NTRK3: variants seen among roughly 807,000 people sequenced by gnomAD.
NTRK3 encodes the protein neurotrophic receptor tyrosine kinase 3.
Under a neutral mutation model 91.7 loss-of-function variants are expected in NTRK3, and 24 were observed. The observed-to-expected ratio is 0.26, with a 90% CI of 0.19 to 0.37. NTRK3 has a LOEUF of 0.37. NTRK3 is among the 10% of genes least tolerant of loss of function. The pLI is 1.00. For synonymous variants in NTRK3, 483 were observed against 404.0 expected, an observed-to-expected ratio of 1.20 and a Z score of -2.34; for missense variants, 880 against 1,068.9, an observed-to-expected ratio of 0.82 and a Z score of 2.46.
intron 13 of NTRK3, among the ~76,000 whole-genome samples, chr15:88,060,684 T>C (rs1350048992): frequency 6.6e-6 from 1 of 152,122 alleles, no homozygotes; most frequent in Non-Finnish European, 1.5e-5. Flanking sequence ...AATTGTCCCT[T>C]ACATCACATG....
At chr15:88,158,012 C>T (rs899197308) in intron 5 of NTRK3, among the ~76,000 whole-genome samples, 4 of 152,180 alleles carry the variant, frequency 2.6e-5, no homozygotes, top group African/African-American at 7.2e-5. Flanking sequence ...TGGCACCTCA[C>T]GGGCCCGGGT....
intron 10 of NTRK3, among the ~76,000 whole-genome samples, chr15:88,131,490 C>A (rs2041341238): frequency 6.6e-6 from 1 of 152,100 alleles, no homozygotes; most frequent in South Asian, 2.1e-4. Context: ...CTGGGCATAC[C>A]CTTCGTGCCA....
chr15:88,077,080 C>G (rs2047614334), intron 13 of NTRK3, among the ~76,000 whole-genome samples: 1 of 152,094 alleles, frequency 6.6e-6, no homozygotes, highest in Non-Finnish European at 1.5e-5. Flanking sequence ...GGTGACAGAG[C>G]TAGACTCCAT....
In NTRK3 at chr15:88,231,723, A is replaced by C. The variant is rs576561977; in HGVS notation, c.248+24183T>G. ...GTGAACACACTTGTGTCCACTCATGAGCGGTTTAAAGAGTTTTCAGAGATC... is the reference window on the plus strand; with the variant it reads ...GTGAACACACTTGTGTCCACTCATGCGCGGTTTAAAGAGTTTTCAGAGATC... On this transcript the variant is annotated intron_variant, in intron 3 of 18. Coordinates refer to ENST00000394480, the Ensembl canonical transcript of NTRK3. 9.8e-4 allele frequency among the ~76,000 whole-genome samples: 149 copies of C among 152,282 alleles called. 1 individual carries two copies. The highest frequency in any genetic ancestry group is 3.4e-3 in the African/African-American group (140 of 41,556).
intron 6 of NTRK3, among the ~76,000 whole-genome samples, chr15:88,138,452 C>T (rs2042085049): frequency 6.6e-6 from 1 of 152,128 alleles, no homozygotes; most frequent in South Asian, 2.1e-4. Flanking sequence ...CGAGATGCTC[C>T]TCTTCTTAAA....
At chr15:88,111,137 G>A (rs147687625) in intron 13 of NTRK3, among the ~76,000 whole-genome samples, 156 of 152,286 alleles carry the variant, frequency 1.0e-3, no homozygotes, top group African/African-American at 3.2e-3. Context: ...GGTTCACCCC[G>A]GGCATGGTTT....
intron 17 of NTRK3, among the ~76,000 whole-genome samples, chr15:87,892,617 A>T (rs1402100132): frequency 6.6e-6 from 1 of 152,222 alleles, no homozygotes; most frequent in Non-Finnish European, 1.5e-5. Context: ...ATCACTAATA[A>T]TTATACCTTA....
intron 3 of NTRK3, among the ~76,000 whole-genome samples, chr15:88,225,336 G>A (rs1333973350): frequency 6.6e-6 from 1 of 152,124 alleles, no homozygotes; most frequent in Non-Finnish European, 1.5e-5. Flanking sequence ...GTGGAGGTGA[G>A]CAGGGGCTAT....
At chr15:87,926,262 G>A (rs1460376805) in intron 17 of NTRK3, among the ~76,000 whole-genome samples, 1 of 152,156 alleles carries the variant, frequency 6.6e-6, no homozygotes, top group Non-Finnish European at 1.5e-5. Flanking sequence ...CAGAAAAGTA[G>A]GGAATGAGGA....
chr15:88,114,005 A>ACC (rs561132913), intron 13 of NTRK3, among the ~76,000 whole-genome samples: 8 of 151,136 alleles, frequency 5.3e-5, no homozygotes, highest in Admixed American at 1.3e-4. Flanking sequence ...TTTAATCAGT[A>ACC]CCCCCCCCAC....
At chr15:88,183,581 G>A (rs190163438) in intron 4 of NTRK3, 92 bp from the exon 5 acceptor site, 13 of 1,180,146 alleles carry the variant, frequency 1.1e-5, no homozygotes, top group Admixed American at 8.4e-5. Flanking sequence ...GGCTAAGGCT[G>A]GCCCTGCAGC....
rs745456796 is a variant in NTRK3, at chr15:88,139,492, G to C, written c.465-1931C>G. Among the ~76,000 whole-genome samples the C allele has an allele frequency of 3.9e-5, 6 of 152,150 alleles. No homozygotes were observed. In the South Asian group the frequency reaches 6.2e-4, roughly 16 times the overall value. ...GCTTTCAGGAAAACGTGAGGCTCCT[G>C]GGGAAAAGAATCAGTGCTTTCTAGT... On this transcript the variant is annotated intron_variant, in intron 6 of 18. Transcript: ENST00000394480.
At chr15:88,062,087 T>C (rs969869859) in intron 13 of NTRK3, among the ~76,000 whole-genome samples, 2 of 152,236 alleles carry the variant, frequency 1.3e-5, no homozygotes, top group Non-Finnish European at 2.9e-5. Context: ...TTAAGTTTTA[T>C]ACATAATCTA....
intron 13 of NTRK3, among the ~76,000 whole-genome samples, chr15:88,107,547 T>C (rs981490164): frequency 2.0e-5 from 3 of 152,032 alleles, no homozygotes; most frequent in African/African-American, 7.2e-5. Context: ...GAGGTCATGG[T>C]AGCACCCCCA....
At chr15:88,135,562 T>G (rs190522097) in intron 9 of NTRK3, among the ~76,000 whole-genome samples, 165 bp from the exon 10 acceptor site, 34 of 152,290 alleles carry the variant, frequency 2.2e-4, no homozygotes, top group Non-Finnish European at 3.8e-4. Context: ...AAGAGATGTC[T>G]GTCTTTATGC....
chr15:88,123,315 C>T (rs1432275993), intron 13 of NTRK3, among the ~76,000 whole-genome samples: 4 of 152,130 alleles, frequency 2.6e-5, no homozygotes, highest in Admixed American at 6.6e-5. Flanking sequence ...TAAGTGGTAT[C>T]GTACATTCTC....
intron 3 of NTRK3, among the ~76,000 whole-genome samples, chr15:88,193,157 G>T (rs914784314): frequency 2.6e-5 from 4 of 152,074 alleles, no homozygotes; most frequent in African/African-American, 9.7e-5. Context: ...CTCACTGCCA[G>T]AGGATCTCCA....
intron 3 of NTRK3, among the ~76,000 whole-genome samples, chr15:88,226,396 G>A (rs764975420): frequency 1.3e-5 from 2 of 152,206 alleles, no homozygotes; most frequent in African/African-American, 2.4e-5. Context: ...AACAGGCCAC[G>A]AGCAGTCCAC....
chr15:87,970,856 G>A (rs1429642226), intron 14 of NTRK3, among the ~76,000 whole-genome samples: 1 of 152,194 alleles, frequency 6.6e-6, no homozygotes, highest in Non-Finnish European at 1.5e-5. Flanking sequence ...AATTAAGGGA[G>A]AACCATATTG....
Sources: gnomAD v4.1 joint callset for allele counts (sites outside exome capture counted in the v4.1 genomes callset) on GRCh38, gnomAD v4.1.1 for gene constraint, MANE v1.5 for transcripts, NCBI Gene and HGNC (gene_info 2026-07-23, HGNC 2026-07-21) for gene names.